The following RCAN1 variants were observed in gnomAD, a reference collection of about 807,000 sequenced individuals.
RCAN1 encodes the protein regulator of calcineurin 1.
A neutral mutation model predicts 22.9 loss-of-function variants in RCAN1; 11 were observed. The ratio of observed to expected loss-of-function variants is 0.48; its 90% confidence interval spans 0.30 to 0.79. RCAN1 has a LOEUF of 0.79. RCAN1 is among the 30% of genes least tolerant of loss of function. The pLI is 0.06. For synonymous variants in RCAN1, 136 were observed against 142.3 expected (o/e 0.96, Z 0.32); for missense variants, 291 against 337.8 (o/e 0.86, Z 1.09).
In RCAN1 at chr21:34,523,593, G is replaced by T; in HGVS notation, c.370C>A (p.Leu124Ile). 1 of 1,614,176 alleles carries T rather than the reference G, an allele frequency of 6.2e-7. No homozygotes were observed. Among genetic ancestry groups the T allele is most frequent in the East Asian group, 2.2e-5 (1 of 44,880 alleles). ...AGAAACTCAGTCTTATGCAGCTGGAGCCTGGCATCTGCTGCGGAGAAGGGG... is the reference window on the plus strand; with the variant it reads ...AGAAACTCAGTCTTATGCAGCTGGATCCTGGCATCTGCTGCGGAGAAGGGG... ...SNPFSAADARLQLHKTEFLGK... is the reference protein window; with the variant it reads ...SNPFSAADARIQLHKTEFLGK... The change falls in exon 2 of 4, where the codon CTC (leucine) becomes ATC (isoleucine). Residue 124 changes from leucine to isoleucine, a missense_variant. Leu to Ile is a conservative substitution (Grantham distance 5). Coordinates refer to ENST00000313806, the MANE Select transcript of RCAN1 (RefSeq NM_004414.7).
intron 1 of RCAN1, among the ~76,000 whole-genome samples, chr21:34,542,540 C>G (rs1384514344): frequency 2.2e-5 from 1 of 46,094 alleles, no homozygotes; most frequent in Non-Finnish European, 4.0e-5. Flanking sequence ...GGGAGTGGAC[C>G]CTCCAGTCGC....
rs555389995 is a variant in RCAN1 at position 34,614,563 on chromosome 21, G to A, written c.252+197C>T. On this transcript the variant is annotated intron_variant, in intron 1 of 3. Transcript: ENST00000313806. The surrounding 1 kb of genome is among the most constrained non-coding windows in gnomAD (Gnocchi z 6.0). Reference sequence around the variant, plus strand: ...CTGCAGTGAGCTCCGCGCGCCCCGGGGGTGCTAGGGGACCGGGACCCTCGG... The same window carrying A: ...CTGCAGTGAGCTCCGCGCGCCCCGGAGGTGCTAGGGGACCGGGACCCTCGG... 18 of 990,054 alleles carry A rather than the reference G, an allele frequency of 1.8e-5. No homozygotes were observed. Among genetic ancestry groups the A allele is most frequent in the Middle Eastern group, 4.4e-4 (1 of 2,294 alleles). The allele number at this position is 990,054 out of a possible 1,614,324, so 61.3% of individuals were successfully genotyped here.
intron 1 of RCAN1, among the ~76,000 whole-genome samples, chr21:34,554,825 G>A (rs1024631431): frequency 1.3e-5 from 2 of 152,196 alleles, no homozygotes; most frequent in Non-Finnish European, 2.9e-5. Context: ...AGGCAAGGAG[G>A]AGCAAGTCAC....
Position 34,595,799 on chromosome 21 carries a change from C to T in RCAN1, c.252+18961G>A, listed in dbSNP as rs960999030. Among the ~76,000 whole-genome samples, 7 of 152,328 alleles carry T rather than the reference C, an allele frequency of 4.6e-5. No individual in the cohort carries two copies. The South Asian group carries it at 6.2e-4, about 14-fold the overall frequency. On this transcript the variant is annotated intron_variant, in intron 1 of 3. Transcript: ENST00000313806. The stretch of plus-strand genomic sequence containing the variant: ...CTCTGATGGGGGCCACTGGGCAGGC[C>T]GGACAGGCTGCCTCAAGGAGCTGGG...
intron 1 of RCAN1, among the ~76,000 whole-genome samples, chr21:34,531,967 C>T (rs929717581): frequency 6.6e-6 from 1 of 152,112 alleles, no homozygotes; most frequent in Non-Finnish European, 1.5e-5. Flanking sequence ...TTATTCAGGA[C>T]CACCACGATG....
At chr21:34,613,828 C>G (rs1389856761) in intron 1 of RCAN1, 2 of 1,483,380 alleles carry the variant, frequency 1.3e-6, no homozygotes, top group South Asian at 1.3e-5. Flanking sequence ...TTGGCAGCAG[C>G]CTTCAACTAT....
At chr21:34,597,891 A>G (rs1336661042) in intron 1 of RCAN1, among the ~76,000 whole-genome samples, 1 of 152,214 alleles carries the variant, frequency 6.6e-6, no homozygotes, top group Non-Finnish European at 1.5e-5. Flanking sequence ...GGTAAAAATA[A>G]GTGTAATTTA....
At chr21:34,546,626 C>A (rs112973762) in intron 1 of RCAN1, among the ~76,000 whole-genome samples, 2,512 of 152,302 alleles carry the variant, frequency 0.016, 45 homozygotes, top group Non-Finnish European at 0.025. Context: ...ACAGACACTG[C>A]ATGCTCACAT....
At chr21:34,602,145 C>T (rs562599136) in intron 1 of RCAN1, among the ~76,000 whole-genome samples, 1 of 152,294 alleles carries the variant, frequency 6.6e-6, no homozygotes, top group African/African-American at 2.4e-5. Context: ...TACCATGCTA[C>T]ATGCAATTCT....
At chr21:34,598,493 T>C (rs114461948) in intron 1 of RCAN1, among the ~76,000 whole-genome samples, 3,640 of 152,282 alleles carry the variant, frequency 0.024, 118 homozygotes, top group South Asian at 0.1. Flanking sequence ...ACAGGTAACA[T>C]GCAAACGAGA....
At chr21:34,593,675 G>C (rs1172358705) in intron 1 of RCAN1, among the ~76,000 whole-genome samples, 1 of 152,230 alleles carries the variant, frequency 6.6e-6, no homozygotes, top group Non-Finnish European at 1.5e-5. Flanking sequence ...TGGACCTCAA[G>C]GTGTTGGGAG....
intron 1 of RCAN1, among the ~76,000 whole-genome samples, chr21:34,573,003 A>T (rs551114007): frequency 6.6e-6 from 1 of 152,322 alleles, no homozygotes; most frequent in East Asian, 1.9e-4. Context: ...ATTCAACATG[A>T]GATTTGGATG....
chr21:34,539,148 C>A (rs1481590272), intron 1 of RCAN1, among the ~76,000 whole-genome samples: 1 of 152,232 alleles, frequency 6.6e-6, no homozygotes, highest in Non-Finnish European at 1.5e-5. Flanking sequence ...ACTGACTCAA[C>A]AATTTCACTC....
chr21:34,517,929 G>C lies in RCAN1; in HGVS notation c.*155C>G. On this transcript the variant is annotated 3_prime_UTR_variant, in exon 4 of 4. Transcript: ENST00000313806. ...CTGGTGTGCAGCATTAGAACAAGGG[G>C]ACACGGCCTTGATTCTCTTCTGAGC... 1.2e-6 allele frequency: 1 copy of C among 845,350 alleles called. No individual in the cohort carries two copies. Among genetic ancestry groups the C allele is most frequent in the Non-Finnish European group, 1.9e-6 (1 of 538,446 alleles). 52.4% of individuals were successfully genotyped at this position (845,350 alleles called of 1,614,324 possible).
chr21:34,548,784 C>T lies in RCAN1; in HGVS notation c.253-25074G>A, dbSNP rs77891766. On this transcript the variant is annotated intron_variant, in intron 1 of 3. Coordinates refer to ENST00000313806, the MANE Select transcript of RCAN1 (RefSeq NM_004414.7). ...TACTAAAGTTTAGTTCAAAATATGCCGGCAAAGGAATCTTAAATTCTCTTA... is the reference window on the plus strand; with the variant it reads ...TACTAAAGTTTAGTTCAAAATATGCTGGCAAAGGAATCTTAAATTCTCTTA... 6.6e-3 allele frequency among the ~76,000 whole-genome samples: 1,000 copies of T among 152,268 alleles called. 14 individuals are homozygous for T. Among genetic ancestry groups the T allele is most frequent in the African/African-American group, 0.023 (954 of 41,540 alleles).
chr21:34,537,341 G>A (rs760273397), intron 1 of RCAN1, among the ~76,000 whole-genome samples: 2 of 152,184 alleles, frequency 1.3e-5, no homozygotes, highest in Non-Finnish European at 2.9e-5. Flanking sequence ...GCCTAGAATG[G>A]CCCAGTTAGT....
intron 1 of RCAN1, among the ~76,000 whole-genome samples, chr21:34,612,328 C>A (rs1004516123): frequency 1.3e-5 from 2 of 152,236 alleles, no homozygotes; most frequent in Non-Finnish European, 2.9e-5. Flanking sequence ...CTCATGCAAC[C>A]CTTCAAGTCC....
At chr21:34,596,686 G>T (rs1009693453) in intron 1 of RCAN1, among the ~76,000 whole-genome samples, 1 of 152,200 alleles carries the variant, frequency 6.6e-6, no homozygotes, top group Non-Finnish European at 1.5e-5. Context: ...ACCGGGATGG[G>T]CATTTCCTGA....
intron 1 of RCAN1, among the ~76,000 whole-genome samples, chr21:34,611,122 T>C (rs1170631911): frequency 6.6e-6 from 1 of 152,234 alleles, no homozygotes; most frequent in Non-Finnish European, 1.5e-5. Context: ...GTCAGCTTGA[T>C]GATGACTGAA....
Sources: gnomAD v4.1 joint callset for allele counts (sites outside exome capture counted in the v4.1 genomes callset) on GRCh38, gnomAD v4.1.1 for gene constraint, Gnocchi (gnomAD v3.1) non-coding constraint, MANE v1.5 for transcripts, NCBI Gene and HGNC (gene_info 2026-07-23, HGNC 2026-07-21) for gene names.